Variants in SPHKAP observed in about 807,000 individuals in gnomAD.
The protein encoded by SPHKAP is A-kinase anchor protein SPHKAP.
Under a neutral mutation model 137.5 loss-of-function variants are expected in SPHKAP, and 67 were observed. The observed-to-expected ratio is 0.49, with a 90% confidence interval of 0.40 to 0.60. The LOEUF (loss-of-function observed/expected upper bound fraction) is 0.60. Among genes scored for constraint, SPHKAP ranks in the 20% least tolerant of loss-of-function variants. The probability of loss-of-function intolerance (pLI) is 0.00; values close to 1 mark genes in which losing one functional copy is unlikely to be tolerated. For missense variants in SPHKAP, 2,097 were observed against 2,069.3 expected (o/e 1.01, Z -0.26); for synonymous variants, 813 against 785.3 (o/e 1.04, Z -0.59).
intron 1 of SPHKAP, among the ~76,000 whole-genome samples, chr2:228,177,645 G>A (rs1316005307): frequency 6.6e-6 from 1 of 152,142 alleles, no homozygotes; most frequent in Non-Finnish European, 1.5e-5. Flanking sequence ...CCAGTATACA[G>A]TATTGGGTTG....
chr2:228,167,614 A>C (rs891032042), intron 1 of SPHKAP, among the ~76,000 whole-genome samples: 1 of 152,130 alleles, frequency 6.6e-6, no homozygotes, highest in African/African-American at 2.4e-5. Context: ...AAATTCTTTA[A>C]TGCATTTTTC....
In SPHKAP at chr2:228,018,324, T is replaced by C. The variant is rs1694691749; in HGVS notation, c.2530A>G (p.Lys844Glu). Reference protein sequence around the residue: ...YLKGIAGEDTKSPHHSENECR... With the variant: ...YLKGIAGEDTESPHHSENECR... ...TCATTCTCACTGTGATGAGGGCTTT[T>C]TGTATCCTCTCCTGCTATTCCTTTC... The change falls in exon 7 of 12, where the codon AAA becomes GAA. Residue 844 changes from lysine (K) to glutamate (E), a missense_variant. By Grantham distance (56) the Lys-to-Glu change is moderately conservative. Transcript: ENST00000392056. 6.2e-7 allele frequency: 1 copy of C among 1,614,084 alleles called. No homozygotes were observed. Among genetic ancestry groups the C allele is most frequent in the African/African-American group, 1.3e-5 (1 of 74,932 alleles).
chr2:228,139,934 C>CTTTCTTTCTTTCTTTCTTTCTTTCT (rs1699547968), intron 1 of SPHKAP, among the ~76,000 whole-genome samples: 4 of 143,504 alleles, frequency 2.8e-5, no homozygotes, highest in Non-Finnish European at 4.7e-5. Flanking sequence ...TTCTTTCTTT[C>CTTTCTTTCTTTCTTTCTTTCTTTCT]TTTTTCTTTT....
intron 7 of SPHKAP, among the ~76,000 whole-genome samples, chr2:228,013,052 G>T (rs1369306584): frequency 1.3e-5 from 2 of 152,190 alleles, no homozygotes; most frequent in Non-Finnish European, 2.9e-5. Context: ...AATTAAGAGT[G>T]CATATGCCAC....
intron 3 of SPHKAP, among the ~76,000 whole-genome samples, chr2:228,032,216 C>T (rs577062591): frequency 1.1e-4 from 17 of 152,110 alleles, no homozygotes; most frequent in East Asian, 1.9e-4. Flanking sequence ...AGCCAAGGCT[C>T]GAGAACTACA....
chr2:227,993,409 A>G (rs1574716694), intron 9 of SPHKAP, 125 bp downstream of exon 9: 2 of 855,156 alleles, frequency 2.3e-6, no homozygotes, highest in Non-Finnish European at 3.8e-6. Context: ...CTCCAGTGAC[A>G]TGGAACCACA....
At position 228,181,577 on chromosome 2, in the gene SPHKAP, A is replaced by G; in HGVS notation, c.22T>C (p.Ser8Pro). The change falls in exon 1 of 12, where the codon TCG becomes CCG. Residue 8 changes from serine to proline, a missense_variant. Transcript: ENST00000392056. The surrounding 1 kb of genome is among the most constrained non-coding windows in gnomAD (Gnocchi z 4.3). ...AGAAGCGGGTCTTACCTTGGTACCG[A>G]GAGCAGGGAGTTGCCATCCATTGTT... MDGNSLL[S>P]VPSNLESSRM... 6.2e-7 allele frequency: 1 copy of G among 1,614,170 alleles called. No homozygotes were observed. Among genetic ancestry groups the G allele is most frequent in the Non-Finnish European group, 8.5e-7 (1 of 1,180,022 alleles).
intron 2 of SPHKAP, among the ~76,000 whole-genome samples, chr2:228,122,429 A>G (rs1293095627): frequency 6.6e-6 from 1 of 152,242 alleles, no homozygotes; most frequent in Non-Finnish European, 1.5e-5. Context: ...ACTGTACAGA[A>G]AAAATTGCTG....
At chr2:228,028,560 C>T (rs778746262) in intron 3 of SPHKAP, among the ~76,000 whole-genome samples, 16 of 152,096 alleles carry the variant, frequency 1.1e-4, no homozygotes, top group Admixed American at 3.9e-4. Context: ...ATTATAATAC[C>T]GTATTTTTAC....
At chr2:228,044,028 G>T (rs1401190354) in intron 3 of SPHKAP, among the ~76,000 whole-genome samples, 1 of 152,126 alleles carries the variant, frequency 6.6e-6, no homozygotes, top group Non-Finnish European at 1.5e-5. Context: ...AAGTGATAGT[G>T]AACTTAATTT....
chr2:228,082,720 A>G (rs1205622161), intron 3 of SPHKAP, among the ~76,000 whole-genome samples: 3 of 152,178 alleles, frequency 2.0e-5, no homozygotes, highest in Non-Finnish European at 2.9e-5. Flanking sequence ...TGGCTCCACT[A>G]TTTACTAGCT....
intron 1 of SPHKAP, among the ~76,000 whole-genome samples, chr2:228,167,539 A>G (rs945640090): frequency 1.3e-5 from 2 of 152,208 alleles, no homozygotes; most frequent in African/African-American, 2.4e-5. Context: ...TTAGAGAAAA[A>G]TGACTTCAAT....
chr2:228,105,089 C>A (rs1214709582), intron 3 of SPHKAP, among the ~76,000 whole-genome samples: 1 of 152,152 alleles, frequency 6.6e-6, no homozygotes, highest in Non-Finnish European at 1.5e-5. Flanking sequence ...CTGCCTCAGC[C>A]TCCTGAGTAG....
At chr2:228,026,245 G>C (rs988780860) in intron 4 of SPHKAP, among the ~76,000 whole-genome samples, 1 of 151,934 alleles carries the variant, frequency 6.6e-6, no homozygotes, top group Admixed American at 6.6e-5. Context: ...GCCCAGTATC[G>C]GGTATGTGTT....
At chr2:227,989,911 C>T (rs1693353786) in intron 11 of SPHKAP, among the ~76,000 whole-genome samples, 1 of 152,118 alleles carries the variant, frequency 6.6e-6, no homozygotes, top group African/African-American at 2.4e-5. Flanking sequence ...GCCACTGCAC[C>T]TGGCCTAATC....
rs758898785 is a variant in SPHKAP, at chr2:228,019,793, G to C, written c.1061C>G (p.Pro354Arg). The C allele has an allele frequency of 6.2e-6, 10 of 1,614,110 alleles. No homozygotes were observed. The highest frequency in any genetic ancestry group is 1.6e-4 in the Middle Eastern group (1 of 6,062). Residue 354 changes from proline (P) to arginine (R), a missense_variant, in exon 7 of 12, where the codon CCT (proline) becomes CGT (arginine). Pro to Arg is a moderately radical substitution (Grantham distance 103). Transcript: ENST00000392056. ...CTGCTCTGCCACAGCACATGCAGAA[G>C]GTACATCTTTATCCATCATGGAGAA... ...AYFSMMDKDV[P>R]SACAVAEQRS...
At chr2:227,990,734 AT>A (rs973758204) in intron 11 of SPHKAP, among the ~76,000 whole-genome samples, 24 of 152,220 alleles carry the variant, frequency 1.6e-4, no homozygotes, top group African/African-American at 3.6e-4. Flanking sequence ...CACCAAAAAA[AT>A]AACAGACTCT....
At chr2:228,138,062 T>G (rs1362618702) in intron 1 of SPHKAP, among the ~76,000 whole-genome samples, 1 of 152,190 alleles carries the variant, frequency 6.6e-6, no homozygotes, top group African/African-American at 2.4e-5. Context: ...GACCTTGGCC[T>G]GCTGAGCCCA....
intron 1 of SPHKAP, among the ~76,000 whole-genome samples, chr2:228,149,661 A>G (rs975517603): frequency 6.6e-6 from 1 of 152,162 alleles, no homozygotes; most frequent in Non-Finnish European, 1.5e-5. Context: ...TGCTTTTTTT[A>G]GATTTATTCC....
Sources: gnomAD v4.1 joint callset for allele counts (sites outside exome capture counted in the v4.1 genomes callset) on GRCh38, gnomAD v4.1.1 for gene constraint, Gnocchi (gnomAD v3.1) non-coding constraint, MANE v1.5 for transcripts, NCBI Gene and HGNC (gene_info 2026-07-23, HGNC 2026-07-21) for gene names.